Variants in DCUN1D4 observed in about 807,000 individuals in gnomAD.
The protein encoded by DCUN1D4 is DCN1-like protein 4.
In DCUN1D4, 22 loss-of-function variants were observed where a neutral mutation model predicts 47.9. That is an observed-to-expected ratio of 0.46 (90% CI 0.33 to 0.66). DCUN1D4 has a LOEUF of 0.66. Ranked by LOEUF, DCUN1D4 falls within the 30% of genes least tolerant of loss-of-function variation. The pLI is 0.02. For missense variants in DCUN1D4, 301 were observed against 340.8 expected, an observed-to-expected ratio of 0.88 and a Z score of 0.92; for synonymous variants, 121 against 112.2, an observed-to-expected ratio of 1.08 and a Z score of -0.50.
chr4:51,874,276 C>G lies in DCUN1D4; in HGVS notation c.142C>G (p.Leu48Val). 2 of 1,610,010 alleles carry G rather than the reference C, an allele frequency of 1.2e-6. No homozygotes were observed. The highest frequency in any genetic ancestry group is 4.5e-5 in the East Asian group (2 of 44,836). ...IGQDDHQTGS[L>V]RSCSSSDCFN... ...TCTTTGAATTTGTTTTGTAGGAAGT[C>G]TGCGGTCTTGCAGTTCTTCAGACTG... The change falls in exon 4 of 11, where the codon CTG becomes GTG. Residue 48 changes from leucine (L) to valine (V), a missense_variant. Coordinates refer to ENST00000334635, the MANE Select transcript of DCUN1D4 (RefSeq NM_001040402.3).
intron 7 of DCUN1D4, among the ~76,000 whole-genome samples, chr4:51,893,637 G>T (rs2110073924): frequency 6.6e-6 from 1 of 152,268 alleles, no homozygotes; most frequent in South Asian, 2.1e-4. Flanking sequence ...ATGTTGGCTA[G>T]GCTCGAACTC....
rs977584568 is a variant in DCUN1D4 at position 51,847,614 on chromosome 4, C to G, written c.25+4347C>G. The stretch of plus-strand genomic sequence containing the variant: ...TTATAATAACCAGCAATACATTTTT[C>G]TTTCTTTTTTGTTTTTTTTTTTTTA... On this transcript the variant is annotated intron_variant, in intron 1 of 10. Transcript: ENST00000334635. Among the ~76,000 whole-genome samples the G allele has an allele frequency of 4.0e-5, 6 of 151,178 alleles. No homozygotes were observed. The East Asian group carries it at 1.2e-3, about 29-fold the overall frequency.
chr4:51,856,620 G>A (rs1279698140), intron 1 of DCUN1D4, among the ~76,000 whole-genome samples: 2 of 152,166 alleles, frequency 1.3e-5, no homozygotes, highest in African/African-American at 4.8e-5. Context: ...CCTTGGATTG[G>A]GAGTTAGAAG....
At chr4:51,856,726 C>T (rs1724198579) in intron 1 of DCUN1D4, among the ~76,000 whole-genome samples, 1 of 152,184 alleles carries the variant, frequency 6.6e-6, no homozygotes, top group Admixed American at 6.5e-5. Context: ...CCATTGAGTG[C>T]CTCACTTGCT....
intron 3 of DCUN1D4, among the ~76,000 whole-genome samples, chr4:51,873,083 G>T (rs1727158076): frequency 6.6e-6 from 1 of 152,164 alleles, no homozygotes; most frequent in African/African-American, 2.4e-5. Context: ...AACCACATAG[G>T]TGAAGAACTG....
chr4:51,877,160 TTC>T (rs1727840287), intron 4 of DCUN1D4, among the ~76,000 whole-genome samples: 1 of 152,200 alleles, frequency 6.6e-6, no homozygotes. Flanking sequence ...AGAAGCTAGT[TTC>T]TCTATACTTC....
At chr4:51,869,685 AT>A (rs564734532) in intron 3 of DCUN1D4, among the ~76,000 whole-genome samples, 255 of 152,310 alleles carry the variant, frequency 1.7e-3, no homozygotes, top group African/African-American at 6.0e-3. Flanking sequence ...TATTATGAAA[AT>A]AGCAAGCTGG....
At chr4:51,911,437 C>G (rs751946190) in intron 9 of DCUN1D4, among the ~76,000 whole-genome samples, 17 of 152,240 alleles carry the variant, frequency 1.1e-4, no homozygotes, top group Admixed American at 2.0e-4. Context: ...TTTCTCATCC[C>G]CATTTTAAAG....
intron 1 of DCUN1D4, chr4:51,844,416 G>A (rs1296685444): frequency 2.0e-6 from 2 of 984,600 alleles, no homozygotes; most frequent in Non-Finnish European, 2.4e-6. Flanking sequence ...GCTGGCGCGG[G>A]CTCCGGCAGC....
At chr4:51,877,553 A>T (rs1175273187) in intron 4 of DCUN1D4, 22 of 363,350 alleles carry the variant, frequency 6.1e-5, no homozygotes, top group Admixed American at 2.7e-4. Flanking sequence ...AACTTGTATT[A>T]AGTGCTTACC....
At chr4:51,865,053 A>G (rs1725686997) in intron 3 of DCUN1D4, 1 of 225,620 alleles carries the variant, frequency 4.4e-6, no homozygotes. Flanking sequence ...ATAAGTTTTA[A>G]TTCTTTCCAG....
intron 5 of DCUN1D4, among the ~76,000 whole-genome samples, chr4:51,880,655 T>C (rs776497436): frequency 1.4e-4 from 22 of 152,326 alleles, no homozygotes; most frequent in Non-Finnish European, 2.9e-4. Flanking sequence ...TCCAGAAATA[T>C]AATGAATAAA....
intron 8 of DCUN1D4, among the ~76,000 whole-genome samples, chr4:51,907,181 A>G (rs1733023099): frequency 6.6e-6 from 1 of 152,208 alleles, no homozygotes; most frequent in South Asian, 2.1e-4. Context: ...TGTACCAAAT[A>G]AAATAATAAA....
chr4:51,898,357 A>AG (rs1165348254), intron 7 of DCUN1D4, among the ~76,000 whole-genome samples: 2 of 152,130 alleles, frequency 1.3e-5, no homozygotes, highest in African/African-American at 2.4e-5. Flanking sequence ...ACCTTGTGGC[A>AG]GGGGGGCAGA....
At chr4:51,836,972 G>A in the DCUN1D4 span, among the ~76,000 whole-genome samples, 1 of 152,196 alleles carries the variant, frequency 6.6e-6, no homozygotes, top group Non-Finnish European at 1.5e-5. Context: ...ACAATACACA[G>A]AAGCCATTAT....
At chr4:51,908,484 C>T (rs1276096274) in intron 8 of DCUN1D4, among the ~76,000 whole-genome samples, 1 of 152,054 alleles carries the variant, frequency 6.6e-6, no homozygotes, top group Non-Finnish European at 1.5e-5. Flanking sequence ...GCCCCTTGCT[C>T]CTTGGTGCTC....
chr4:51,891,709 T>C (rs1292855833), intron 6 of DCUN1D4, 51 bp from the exon 7 acceptor site: 23 of 1,429,362 alleles, frequency 1.6e-5, no homozygotes, highest in Non-Finnish European at 2.1e-5. Context: ...TGTTTTTTCT[T>C]TTTAATTTGT....
intron 3 of DCUN1D4, among the ~76,000 whole-genome samples, 189 bp from the exon 4 acceptor site, chr4:51,874,082 C>T (rs1211415249): frequency 6.6e-6 from 1 of 152,088 alleles, no homozygotes; most frequent in Non-Finnish European, 1.5e-5. Context: ...TTATTTGTGT[C>T]GTCGCTAGGT....
intron 7 of DCUN1D4, among the ~76,000 whole-genome samples, chr4:51,894,129 T>C (rs1730869079): frequency 6.6e-6 from 1 of 152,110 alleles, no homozygotes; most frequent in Non-Finnish European, 1.5e-5. Context: ...ACTTGATCCT[T>C]GCAATTCAGG....
Sources: allele counts gnomAD v4.1 joint callset (sites outside exome capture counted in the v4.1 genomes callset), GRCh38; gene constraint gnomAD v4.1.1; transcripts MANE v1.5; gene names NCBI Gene and HGNC (gene_info 2026-07-23, HGNC 2026-07-21).